Variants in MTAP observed in about 807,000 individuals in gnomAD.
The protein encoded by MTAP is methylthioadenosine phosphorylase, also known as S-methyl-5'-thioadenosine phosphorylase.
In MTAP, 33 loss-of-function variants were observed where a neutral mutation model predicts 33.6. That is an observed-to-expected ratio of 0.98 (90% CI 0.74 to 1.31). The LOEUF (loss-of-function observed/expected upper bound fraction) is 1.31. Ranked by LOEUF, MTAP falls within the 40% of genes most tolerant of loss-of-function variation. The probability of loss-of-function intolerance (pLI) is 0.00; values close to 1 mark genes in which losing one functional copy is unlikely to be tolerated. For synonymous variants in MTAP, 148 were observed against 125.7 expected, an observed-to-expected ratio of 1.18 and a Z score of -1.19; for missense variants, 367 against 360.0, an observed-to-expected ratio of 1.02 and a Z score of -0.16.
At chr9:21,912,747 A>G (rs566040570) in intron 1 of MTAP, among the ~76,000 whole-genome samples, 114 of 152,194 alleles carry the variant, frequency 7.5e-4, no homozygotes, top group African/African-American at 2.6e-3. Context: ...CTCTCTCACC[A>G]CTCCTATTCA....
downstream of MTAP, among the ~76,000 whole-genome samples, chr9:21,869,827 G>T (rs560194792): frequency 6.6e-6 from 1 of 152,172 alleles, no homozygotes; most frequent in Admixed American, 6.5e-5. Context: ...GTCTACTTTT[G>T]TTCCCTAGAG....
At chr9:21,924,217 G>A (rs547631787) in intron 1 of MTAP, among the ~76,000 whole-genome samples, 13 of 152,292 alleles carry the variant, frequency 8.5e-5, no homozygotes, top group African/African-American at 3.1e-4. Context: ...GAAATAAAAG[G>A]AGATACCTTC....
At chr9:21,909,974 A>G (rs780145728) in intron 1 of MTAP, among the ~76,000 whole-genome samples, 1 of 152,182 alleles carries the variant, frequency 6.6e-6, no homozygotes, top group Non-Finnish European at 1.5e-5. Context: ...TAACTTTTAC[A>G]TGACAAAGAT....
At chr9:21,925,116 G>T (rs73442446) in intron 1 of MTAP, among the ~76,000 whole-genome samples, 1 of 152,142 alleles carries the variant, frequency 6.6e-6, no homozygotes, top group Non-Finnish European at 1.5e-5. Context: ...GGGGCATATG[G>T]GCAAAGAATT....
At chr9:21,887,875 TG>T (rs796756602) in intron 1 of MTAP, among the ~76,000 whole-genome samples, 36 of 151,958 alleles carry the variant, frequency 2.4e-4, no homozygotes, top group African/African-American at 8.2e-4. Context: ...AAGTTTTGTG[TG>T]GGGGGGTTGC....
At chr9:21,924,900 C>CTTAA (rs1818845452) in intron 1 of MTAP, among the ~76,000 whole-genome samples, 3 of 152,198 alleles carry the variant, frequency 2.0e-5, no homozygotes, top group African/African-American at 4.8e-5. Flanking sequence ...TCAAAGGGTT[C>CTTAA]CATAAACTGG....
rs763083172 is a variant in MTAP at position 21,854,615 on chromosome 9, G to A, written c.451-16G>A. Reference sequence around the variant, plus strand: ...TGTGCTAGTATGTTTTGAAGTTTCTGGTTTTTCTTTTCTAGGTTCTTATAG... The same window carrying A: ...TGTGCTAGTATGTTTTGAAGTTTCTAGTTTTTCTTTTCTAGGTTCTTATAG... On this transcript the variant is annotated splice_polypyrimidine_tract_variant and intron_variant, in intron 5 of 7. Coordinates refer to ENST00000644715, the MANE Select transcript of MTAP (RefSeq NM_002451.4). 2 of 1,527,742 alleles carry A rather than the reference G, an allele frequency of 1.3e-6. No individual in the cohort carries two copies. The highest frequency in any genetic ancestry group is 1.8e-6 in the Non-Finnish European group (2 of 1,139,166). The allele number at this position is 1,527,742 out of a possible 1,614,324, so 94.6% of individuals were successfully genotyped here.
chr9:21,827,591 A>T (rs1450310025), intron 4 of MTAP, among the ~76,000 whole-genome samples: 2 of 152,198 alleles, frequency 1.3e-5, no homozygotes. Context: ...CTTATAATGT[A>T]TTTATACCTG....
At chr9:21,860,426 GGACT>G (rs1249404032) in intron 7 of MTAP, 1 of 152,152 alleles carries the variant, frequency 6.6e-6, no homozygotes, top group Non-Finnish European at 1.5e-5. Flanking sequence ...TCAGCAGTTA[GGACT>G]GACGGTCAAG....
At chr9:21,911,631 T>A (rs554121364) in intron 1 of MTAP, among the ~76,000 whole-genome samples, 2 of 151,302 alleles carry the variant, frequency 1.3e-5, no homozygotes, top group African/African-American at 4.9e-5. Flanking sequence ...TTTAAAACAG[T>A]GTGTAGAGGG....
At chr9:21,898,032 A>T (rs1043022276) in intron 1 of MTAP, among the ~76,000 whole-genome samples, 5 of 152,214 alleles carry the variant, frequency 3.3e-5, no homozygotes, top group Non-Finnish European at 5.9e-5. Context: ...ACCAAAACAG[A>T]GATATAGACC....
intron 1 of MTAP, among the ~76,000 whole-genome samples, chr9:21,887,580 A>G (rs1328618737): frequency 6.6e-6 from 1 of 152,180 alleles, no homozygotes; most frequent in African/African-American, 2.4e-5. Context: ...ATACATGTGC[A>G]TGTGTCTTTA....
chr9:21,827,522 CCTAATAA>C (rs1402822871), intron 4 of MTAP, among the ~76,000 whole-genome samples: 1 of 152,198 alleles, frequency 6.6e-6, no homozygotes, highest in Admixed American at 6.5e-5. Context: ...TGTGGTTCAA[CCTAATAA>C]ATAATGGGGT....
downstream of MTAP, chr9:21,940,924 G>A: frequency 1.2e-6 from 1 of 811,632 alleles, no homozygotes. Context: ...ACCCCCAGAA[G>A]TGGAAAGGGG....
downstream of MTAP, chr9:21,932,697 C>T (rs1415824098): frequency 6.6e-6 from 1 of 152,154 alleles, no homozygotes; most frequent in African/African-American, 2.4e-5. Flanking sequence ...CCATGAAAAA[C>T]CCTAGCTTTC....
intron 1 of MTAP, among the ~76,000 whole-genome samples, chr9:21,927,737 A>G (rs189123210): frequency 2.0e-3 from 299 of 152,352 alleles, no homozygotes; most frequent in African/African-American, 6.9e-3. Context: ...TAGCTGACCC[A>G]TCACATTGAC....
intron 1 of MTAP, among the ~76,000 whole-genome samples, chr9:21,886,814 A>G (rs1289276556): frequency 6.6e-6 from 1 of 152,210 alleles, no homozygotes; most frequent in Admixed American, 6.5e-5. Flanking sequence ...TTTTTATACC[A>G]GTACCATGCT....
intron 1 of MTAP, among the ~76,000 whole-genome samples, chr9:21,903,578 C>T (rs1192423217): frequency 6.6e-6 from 1 of 152,098 alleles, no homozygotes; most frequent in Admixed American, 6.6e-5. Flanking sequence ...GAGTCATTTC[C>T]TGAAAATATT....
intron 5 of MTAP, among the ~76,000 whole-genome samples, chr9:21,847,358 C>G (rs138947747): frequency 1.3e-5 from 2 of 152,270 alleles, no homozygotes; most frequent in African/African-American, 4.8e-5. Context: ...TCTAGAGGAA[C>G]AGAATATTAA....
Sources: gnomAD v4.1 joint callset for allele counts (sites outside exome capture counted in the v4.1 genomes callset) on GRCh38, gnomAD v4.1.1 for gene constraint, MANE v1.5 for transcripts, NCBI Gene and HGNC (gene_info 2026-07-23, HGNC 2026-07-21) for gene names.